The following SLC1A1 variants were observed in gnomAD, a reference collection of about 807,000 sequenced individuals.
SLC1A1 encodes excitatory amino acid transporter 3.
Under a neutral mutation model 53.3 loss-of-function variants are expected in SLC1A1, and 43 were observed. That is an observed-to-expected ratio of 0.81 (90% CI 0.63 to 1.04). The LOEUF (loss-of-function observed/expected upper bound fraction) is 1.04. SLC1A1 is among the 50% of genes least tolerant of loss of function. SLC1A1 has a pLI of 0.00. For synonymous variants in SLC1A1, 307 were observed against 243.2 expected (o/e 1.26, Z -2.44); for missense variants, 748 against 664.9 (o/e 1.12, Z -1.37).
intron 1 of SLC1A1, among the ~76,000 whole-genome samples, chr9:4,543,307 A>T (rs2026828): frequency 2.0e-5 from 3 of 151,986 alleles, no homozygotes; most frequent in African/African-American, 7.3e-5. Flanking sequence ...TTACTTCCAA[A>T]TATCATGACA....
intron 1 of SLC1A1, among the ~76,000 whole-genome samples, chr9:4,543,848 A>T (rs1817226091): frequency 6.6e-6 from 1 of 152,188 alleles, no homozygotes; most frequent in African/African-American, 2.4e-5. Context: ...TTATAATAAA[A>T]ATATGAGAAA....
chr9:4,555,301 T>A (rs141994140), intron 2 of SLC1A1, among the ~76,000 whole-genome samples: 63 of 152,278 alleles, frequency 4.1e-4, no homozygotes, highest in African/African-American at 1.3e-3. Flanking sequence ...TAAAAGAACT[T>A]CCAATAAGGG....
chr9:4,490,574 C>T lies in SLC1A1; in HGVS notation c.-106C>T, dbSNP rs571292875. 3.7e-5 allele frequency: 32 copies of T among 868,164 alleles called. No individual in the cohort carries two copies. The highest frequency in any genetic ancestry group is 5.1e-5 in the African/African-American group (3 of 58,526). 53.8% of individuals were successfully genotyped at this position (868,164 alleles called of 1,614,324 possible). A position where few individuals can be genotyped will look rare whatever the true frequency, so the allele number is the denominator to read the frequency against. ...ACTGCAGCGGCCGGCTCTCACCTCT[C>T]CCCTGTGCACCCGCATCTCGCCGCG... On this transcript the variant is annotated 5_prime_UTR_variant, in exon 1 of 12. Coordinates refer to ENST00000262352, the MANE Select transcript of SLC1A1 (RefSeq NM_004170.6).
At position 4,528,762 on chromosome 9, in the gene SLC1A1, TG is replaced by T. The variant is rs1816359318; in HGVS notation, c.92-15804del. ...TTCTCAGTCTACATTCCGAGTTGGC[TG>T]TAATATATGCGGCCTCATCCACTCT... On this transcript the variant is annotated intron_variant, in intron 1 of 11. Transcript: ENST00000262352. 6.6e-5 allele frequency among the ~76,000 whole-genome samples: 10 copies of T among 151,840 alleles called. No individual in the cohort carries two copies. In the South Asian group the frequency reaches 1.9e-3, roughly 28 times the overall value.
intron 10 of SLC1A1, among the ~76,000 whole-genome samples, chr9:4,578,721 G>C (rs1055061130): frequency 2.6e-5 from 4 of 152,208 alleles, no homozygotes; most frequent in African/African-American, 9.6e-5. Context: ...TGCCAGATTT[G>C]TTTCTCTAGG....
Position 4,522,042 on chromosome 9 carries a change from C to CTTTTTTTTT in SLC1A1, c.92-22522_92-22514dup, listed in dbSNP as rs796721359. On this transcript the variant is annotated intron_variant, in intron 1 of 11. Transcript: ENST00000262352. ...ACTTCTAATGAATCAGAACCTGCCT[C>CTTTTTTTTT]TTTTTTTTTTTCTTTTTTTTTTTTT... Among the ~76,000 whole-genome samples, 26 of 88,504 alleles carry CTTTTTTTTT rather than the reference C, an allele frequency of 2.9e-4. No homozygotes were observed. In the Middle Eastern group the frequency reaches 0.021, roughly 72 times the overall value. 58.1% of individuals were successfully genotyped at this position (88,504 alleles called of 152,430 possible).
At chr9:4,490,832 G>T (rs1820207999) in intron 1 of SLC1A1, 62 bp downstream of exon 1, 19 of 1,414,014 alleles carry the variant, frequency 1.3e-5, no homozygotes, top group South Asian at 8.3e-5. Context: ...CCCAGGCCGC[G>T]TGCGGCTGAG....
chr9:4,574,604 G>T (rs143824865), intron 8 of SLC1A1, among the ~76,000 whole-genome samples: 563 of 152,196 alleles, frequency 3.7e-3, no homozygotes, highest in African/African-American at 0.013. Flanking sequence ...GCAGGGGTTG[G>T]GTAGTTTCCA....
chr9:4,495,515 T>C (rs1820384494), intron 1 of SLC1A1, among the ~76,000 whole-genome samples: 1 of 151,020 alleles, frequency 6.6e-6, no homozygotes, highest in Admixed American at 6.6e-5. Context: ...AGGTGGGGGG[T>C]TGCAATTTTA....
chr9:4,495,968 G>C (rs893298222), intron 1 of SLC1A1, among the ~76,000 whole-genome samples: 1 of 152,280 alleles, frequency 6.6e-6, no homozygotes, highest in Non-Finnish European at 1.5e-5. Context: ...TTGGGTAAAG[G>C]TAGGCAGCAA....
In SLC1A1 at chr9:4,583,880, T is replaced by TCACACACACA. The variant is rs1554691056; in HGVS notation, c.1328+709_1328+710insACACACACAC. ...CTCTCTCTCTCTCTCTCTCTCTCTC[T>TCACACACACA]CTCACACACACACACACACACACAC... On this transcript the variant is annotated intron_variant, in intron 11 of 11. Coordinates refer to ENST00000262352, the MANE Select transcript of SLC1A1 (RefSeq NM_004170.6). This position sits in a 1 kb window ranked among gnomAD's most constrained non-coding sequence, Gnocchi z 4.6. 3.8e-5 allele frequency among the ~76,000 whole-genome samples: 5 copies of TCACACACACA among 131,662 alleles called. No individual in the cohort carries two copies. Among genetic ancestry groups the TCACACACACA allele is most frequent in the Admixed American group, 2.3e-4 (3 of 13,142 alleles). The allele number at this position is 131,662 out of a possible 152,430, so 86.4% of individuals were successfully genotyped here. A position where few individuals can be genotyped will look rare whatever the true frequency, so the allele number is the denominator to read the frequency against.
At chr9:4,544,244 T>A (rs1468794158) in intron 1 of SLC1A1, among the ~76,000 whole-genome samples, 1 of 151,982 alleles carries the variant, frequency 6.6e-6, no homozygotes, top group Non-Finnish European at 1.5e-5. Context: ...TGCAAAAGAG[T>A]TATACTGGAT....
intron 1 of SLC1A1, among the ~76,000 whole-genome samples, chr9:4,535,255 A>AG (rs561129575): frequency 4.6e-5 from 7 of 152,130 alleles, no homozygotes; most frequent in East Asian, 3.9e-4. Flanking sequence ...TTAGGAAAAG[A>AG]GAAGTCAAAT....
At chr9:4,526,508 T>G (rs752019075) in intron 1 of SLC1A1, among the ~76,000 whole-genome samples, 2 of 152,184 alleles carry the variant, frequency 1.3e-5, no homozygotes, top group African/African-American at 2.4e-5. Flanking sequence ...ATCTAATCTA[T>G]CTAAGAGAAG....
intron 1 of SLC1A1, among the ~76,000 whole-genome samples, chr9:4,523,915 T>A (rs964988414): frequency 6.6e-6 from 1 of 152,212 alleles, no homozygotes; most frequent in Non-Finnish European, 1.5e-5. Context: ...AGGCCAAGAT[T>A]TGAACAGTCT....
intron 2 of SLC1A1, among the ~76,000 whole-genome samples, chr9:4,545,165 G>A (rs1027985926): frequency 3.1e-5 from 4 of 129,518 alleles, no homozygotes; most frequent in African/African-American, 5.7e-5. Flanking sequence ...TTCTAATTAC[G>A]GGAAAAATTG....
intron 1 of SLC1A1, among the ~76,000 whole-genome samples, chr9:4,500,027 CATTA>C (rs984081666): frequency 6.6e-6 from 1 of 152,154 alleles, no homozygotes; most frequent in African/African-American, 2.4e-5. Flanking sequence ...AAGCTTTCCA[CATTA>C]ATTGCTTGTG....
chr9:4,576,280 T>A (rs1820538532), intron 9 of SLC1A1, among the ~76,000 whole-genome samples, 157 bp downstream of exon 9: 1 of 152,254 alleles, frequency 6.6e-6, no homozygotes. Context: ...CATTGCTTCA[T>A]GCTGTTGCAT....
chr9:4,495,908 A>G (rs1820397951), intron 1 of SLC1A1, among the ~76,000 whole-genome samples: 1 of 152,186 alleles, frequency 6.6e-6, no homozygotes, highest in African/African-American at 2.4e-5. Flanking sequence ...GGAAAAGAAC[A>G]TGGCATGTTC....
Sources: allele counts gnomAD v4.1 joint callset (sites outside exome capture counted in the v4.1 genomes callset), GRCh38; gene constraint gnomAD v4.1.1; non-coding constraint Gnocchi (gnomAD v3.1); transcripts MANE v1.5; gene names NCBI Gene and HGNC (gene_info 2026-07-23, HGNC 2026-07-21).